DTWD1: variants seen among roughly 807,000 people sequenced by gnomAD.
DTWD1 encodes DTW motif tRNA-uridine aminocarboxypropyltransferase 1, also known as tRNA-uridine aminocarboxypropyltransferase 1.
A neutral mutation model predicts 30.2 loss-of-function variants in DTWD1; 27 were observed. The observed-to-expected ratio is 0.90, with a 90% confidence interval of 0.66 to 1.23. DTWD1 has a LOEUF of 1.23. Among genes scored for constraint, DTWD1 ranks in the 50% most tolerant of loss-of-function variants. The pLI is 0.00. For missense variants in DTWD1, 342 were observed against 348.8 expected, an observed-to-expected ratio of 0.98 and a Z score of 0.15; for synonymous variants, 99 against 113.1, an observed-to-expected ratio of 0.88 and a Z score of 0.79.
intron 1 of DTWD1, among the ~76,000 whole-genome samples, chr15:49,623,157 A>G (rs930995204): frequency 6.6e-6 from 1 of 152,160 alleles, no homozygotes; most frequent in African/African-American, 2.4e-5. Flanking sequence ...TGGTACATGC[A>G]TTCCCACTAA....
At chr15:49,640,903 ATGTT>A (rs757998094) in intron 4 of DTWD1, among the ~76,000 whole-genome samples, 4 of 151,996 alleles carry the variant, frequency 2.6e-5, no homozygotes, top group Non-Finnish European at 5.9e-5. Context: ...ATTTATCACT[ATGTT>A]TGTGTCTTGT....
Position 49,649,442 on chromosome 15 carries a change from T to C in DTWD1, c.*5864T>C, listed in dbSNP as rs1249013292. On this transcript the variant is annotated 3_prime_UTR_variant, in exon 5 of 5. Coordinates refer to ENST00000403028, the MANE Select transcript of DTWD1 (RefSeq NM_001144955.2). ...AACCAAAAACCAAAAAAGAGAGCAT[T>C]AAGAAGTCAGCAGGCCAGGCGCGGT... is the stretch of plus-strand genomic sequence containing the variant. 6.6e-6 allele frequency: 1 copy of C among 152,122 alleles called. No homozygotes were observed. The highest frequency in any genetic ancestry group is 2.4e-5 in the African/African-American group (1 of 41,406). 9.4% of individuals were successfully genotyped at this position (152,122 alleles called of 1,614,324 possible). A position where few individuals can be genotyped will look rare whatever the true frequency, so the allele number is the denominator to read the frequency against.
At position 49,650,673 on chromosome 15, in the gene DTWD1, C is replaced by G. The variant is rs985293739; in HGVS notation, c.*7095C>G. 1.3e-5 allele frequency: 2 copies of G among 152,168 alleles called. No homozygotes were observed. The highest frequency in any genetic ancestry group is 2.9e-5 in the Non-Finnish European group (2 of 68,034). 9.4% of individuals were successfully genotyped at this position (152,168 alleles called of 1,614,324 possible). A position where few individuals can be genotyped will look rare whatever the true frequency, so the allele number is the denominator to read the frequency against. On this transcript the variant is annotated 3_prime_UTR_variant, in exon 5 of 5. Transcript: ENST00000403028. ...AAGCTTCACCTGAGGTTACCCTCGT[C>G]TTAGATCTCAGGGCAGCCCTCAGTG...
rs2079148690 is a variant in DTWD1 at position 49,650,865 on chromosome 15, A to G, written c.*7287A>G. 6.6e-6 allele frequency: 1 copy of G among 152,098 alleles called. No homozygotes were observed. The highest frequency in any genetic ancestry group is 2.4e-5 in the African/African-American group (1 of 41,424). The allele number at this position is 152,098 out of a possible 1,614,324, so 9.4% of individuals were successfully genotyped here. ...ATAAACATCTTACACCCCAAACTCC[A>G]TCTCAGCATTCCTCTTTAGAGGACT... On this transcript the variant is annotated 3_prime_UTR_variant, in exon 5 of 5. Coordinates refer to ENST00000403028, the MANE Select transcript of DTWD1 (RefSeq NM_001144955.2).
chr15:49,637,411 T>C (rs1362105961), intron 4 of DTWD1, among the ~76,000 whole-genome samples: 1 of 152,160 alleles, frequency 6.6e-6, no homozygotes, highest in Non-Finnish European at 1.5e-5. Context: ...CAATTGTTTT[T>C]CTAAGAAGCT....
chr15:49,629,567 C>T (rs1441430882), intron 2 of DTWD1: 1 of 151,756 alleles, frequency 6.6e-6, no homozygotes, highest in Non-Finnish European at 1.5e-5. Context: ...TTTCTTACTT[C>T]CTACCTTCCC....
chr15:49,633,765 C>T (rs912098534), intron 3 of DTWD1, among the ~76,000 whole-genome samples: 3 of 152,134 alleles, frequency 2.0e-5, no homozygotes, highest in African/African-American at 7.2e-5. Context: ...CCTTGATTCT[C>T]CAACATTTAT....
chr15:49,630,257 T>G (rs150821491), intron 2 of DTWD1, among the ~76,000 whole-genome samples: 1 of 152,348 alleles, frequency 6.6e-6, no homozygotes, highest in East Asian at 1.9e-4. Context: ...ACTGTAGCAG[T>G]GGATTCAAGA....
Position 49,625,233 on chromosome 15 carries a change from A to C in DTWD1, c.66A>C (p.Thr22=). The C allele has an allele frequency of 6.2e-6, 10 of 1,613,526 alleles. No individual in the cohort carries two copies. The highest frequency in any genetic ancestry group is 8.5e-6 in the Non-Finnish European group (10 of 1,179,644). ...AAAATAGTTCAAAATTTGTGGAAACAAAACAGTCACAAACTACTTCCATAG... is the reference window on the plus strand; with the variant it reads ...AAAATAGTTCAAAATTTGTGGAAACCAAACAGTCACAAACTACTTCCATAG... The part of the protein sequence containing the change: ...SEENSSKFVE[T]KQSQTTSIAS... The change falls in exon 2 of 5, where the codon ACA becomes ACC. Residue 22 remains threonine (T), a synonymous_variant. Transcript: ENST00000403028.
intron 2 of DTWD1, among the ~76,000 whole-genome samples, chr15:49,626,007 T>G (rs923457871): frequency 3.3e-5 from 5 of 152,106 alleles, no homozygotes; most frequent in African/African-American, 1.2e-4. Flanking sequence ...GAAAACCAAG[T>G]GTATTTATGG....
chr15:49,652,047 A>C lies in DTWD1; in HGVS notation c.*8469A>C, dbSNP rs530439793. ...GCATGTGCCCCAATATGAAGAATAA[A>C]TGGGTCTTGGAACCCATTTATTCCT... On this transcript the variant is annotated 3_prime_UTR_variant, in exon 5 of 5. Transcript: ENST00000403028. 2.4e-4 allele frequency: 37 copies of C among 152,100 alleles called. No homozygotes were observed. The highest frequency in any genetic ancestry group is 7.5e-4 in the African/African-American group (31 of 41,508). 9.4% of individuals were successfully genotyped at this position (152,100 alleles called of 1,614,324 possible). A position where few individuals can be genotyped will look rare whatever the true frequency, so the allele number is the denominator to read the frequency against.
rs145085849 is a variant in DTWD1 at position 49,622,025 on chromosome 15, G to GA, written c.-56+912dup. On this transcript the variant is annotated intron_variant, in intron 1 of 4. Transcript: ENST00000403028. ...AGAAGCTTTTTGTTATTATTTTGGA[G>GA]AAAAAAAAATTGCCAGCCTGCCACT... 9.7e-3 allele frequency among the ~76,000 whole-genome samples: 1,472 copies of GA among 151,592 alleles called. 22 individuals carry two copies. The highest frequency in any genetic ancestry group is 0.034 in the African/African-American group (1,412 of 41,356).
At chr15:49,639,124 A>G (rs573367231) in intron 4 of DTWD1, among the ~76,000 whole-genome samples, 4 of 152,156 alleles carry the variant, frequency 2.6e-5, no homozygotes, top group African/African-American at 9.7e-5. Flanking sequence ...GCTGTGTCCT[A>G]TACTACCTTA....
At chr15:49,627,358 A>T (rs571361557) in intron 2 of DTWD1, among the ~76,000 whole-genome samples, 1 of 152,182 alleles carries the variant, frequency 6.6e-6, no homozygotes, top group African/African-American at 2.4e-5. Context: ...TTAACAAATC[A>T]TTCAGCATTT....
In DTWD1 at chr15:49,643,974, A is replaced by G. The variant is rs2079096755; in HGVS notation, c.*396A>G. On this transcript the variant is annotated 3_prime_UTR_variant, in exon 5 of 5. Coordinates refer to ENST00000403028, the MANE Select transcript of DTWD1 (RefSeq NM_001144955.2). ...AATGGGGTTACAATCTGCTGGCTGAAAAATAGGTCATAAGTGATTTTTCTT... is the reference window on the plus strand; with the variant it reads ...AATGGGGTTACAATCTGCTGGCTGAGAAATAGGTCATAAGTGATTTTTCTT... 1 of 154,012 alleles carries G rather than the reference A, an allele frequency of 6.5e-6. No individual in the cohort carries two copies. Among genetic ancestry groups the G allele is most frequent in the Admixed American group, 6.5e-5 (1 of 15,300 alleles). The allele number at this position is 154,012 out of a possible 1,614,324, so 9.5% of individuals were successfully genotyped here.
Position 49,625,392 on chromosome 15 carries a change from A to G in DTWD1, c.225A>G (p.Pro75=). 6.2e-7 allele frequency: 1 copy of G among 1,613,786 alleles called. No homozygotes were observed. Among genetic ancestry groups the G allele is most frequent in the Non-Finnish European group, 8.5e-7 (1 of 1,179,828 alleles). ...RMFYCYTCYV[P]VENVPIEQIP... ...TCTACTGCTATACATGTTATGTTCC[A>G]GTTGAAAATGTACCTATTGAACAGA... is the stretch of plus-strand genomic sequence containing the variant. Residue 75 remains proline (P), a synonymous_variant, in exon 2 of 5, where the codon CCA becomes CCG. Transcript: ENST00000403028.
intron 2 of DTWD1, among the ~76,000 whole-genome samples, chr15:49,625,739 A>G (rs1290621774): frequency 6.6e-6 from 1 of 152,130 alleles, no homozygotes; most frequent in African/African-American, 2.4e-5. Context: ...CACACAATCA[A>G]AACTGATTCC....
chr15:49,635,331 A>G (rs1308585042), intron 4 of DTWD1, among the ~76,000 whole-genome samples: 1 of 152,102 alleles, frequency 6.6e-6, no homozygotes, highest in Non-Finnish European at 1.5e-5. Context: ...TACCACGTCC[A>G]GCCTAAGTGT....
chr15:49,631,250 T>G (rs932709778), intron 2 of DTWD1, among the ~76,000 whole-genome samples: 16 of 152,184 alleles, frequency 1.1e-4, no homozygotes, highest in African/African-American at 3.9e-4. Context: ...AAGATGATTT[T>G]GAAGACAGTT....
Sources: gnomAD v4.1 joint callset for allele counts (sites outside exome capture counted in the v4.1 genomes callset) on GRCh38, gnomAD v4.1.1 for gene constraint, MANE v1.5 for transcripts, NCBI Gene and HGNC (gene_info 2026-07-23, HGNC 2026-07-21) for gene names.